The following ADAMTS3 variants were observed in gnomAD, a reference collection of about 807,000 sequenced individuals.
The protein encoded by ADAMTS3 is A disintegrin and metalloproteinase with thrombospondin motifs 3.
Under a neutral mutation model 129.0 loss-of-function variants are expected in ADAMTS3, and 73 were observed. That is an observed-to-expected ratio of 0.57 (90% CI 0.47 to 0.69). The LOEUF (loss-of-function observed/expected upper bound fraction) is 0.69, where lower values mean the gene tolerates loss of function less well. Ranked by LOEUF, ADAMTS3 falls within the 30% of genes least tolerant of loss-of-function variation. ADAMTS3 has a pLI of 0.00. For synonymous variants in ADAMTS3, 477 were observed against 510.8 expected, an observed-to-expected ratio of 0.93 and a Z score of 0.89; for missense variants, 1,457 against 1,514.5, an observed-to-expected ratio of 0.96 and a Z score of 0.63.
intron 4 of ADAMTS3, among the ~76,000 whole-genome samples, chr4:72,348,784 G>C (rs1018989206): frequency 6.6e-5 from 10 of 151,566 alleles, no homozygotes; most frequent in Non-Finnish European, 1.0e-4. Flanking sequence ...ACAGGAGAGA[G>C]GTATCTAGTT....
At chr4:72,485,843 G>A (rs1284764926) in intron 3 of ADAMTS3, among the ~76,000 whole-genome samples, 1 of 152,180 alleles carries the variant, frequency 6.6e-6, no homozygotes, top group African/African-American at 2.4e-5. Flanking sequence ...TCATAAATGA[G>A]ATTAGTGCCC....
At chr4:72,525,089 G>A (rs1450953693) in intron 3 of ADAMTS3, among the ~76,000 whole-genome samples, 1 of 152,166 alleles carries the variant, frequency 6.6e-6, no homozygotes, top group East Asian at 1.9e-4. Flanking sequence ...AACAGCCAAG[G>A]ATGCTGTAGT....
At chr4:72,340,160 C>A (rs970273238) in intron 4 of ADAMTS3, among the ~76,000 whole-genome samples, 1 of 152,044 alleles carries the variant, frequency 6.6e-6, no homozygotes, top group Non-Finnish European at 1.5e-5. Flanking sequence ...TTTCCAGTAA[C>A]CTTAATTTAA....
intron 4 of ADAMTS3, among the ~76,000 whole-genome samples, chr4:72,407,672 A>G (rs1404356254): frequency 6.6e-6 from 1 of 152,180 alleles, no homozygotes; most frequent in African/African-American, 2.4e-5. Context: ...AATGGCCACA[A>G]AGACTTAAGA....
chr4:72,311,720 C>T (rs1719240392), intron 13 of ADAMTS3, among the ~76,000 whole-genome samples: 1 of 152,248 alleles, frequency 6.6e-6, no homozygotes, highest in South Asian at 2.1e-4. Context: ...TGCATGTAAT[C>T]ATATAACTAT....
Position 72,319,779 on chromosome 4 carries a change from C to A in ADAMTS3, c.1208+79G>T, listed in dbSNP as rs1008572081. ...GAATTGTATGCTGGCATGCATTCTG[C>A]CCAAAGAGGAAACAATACTGGGAGA... On this transcript the variant is annotated intron_variant, in intron 8 of 21. Coordinates refer to ENST00000286657, the MANE Select transcript of ADAMTS3 (RefSeq NM_014243.3). 16 of 1,201,426 alleles carry A rather than the reference C, an allele frequency of 1.3e-5. No individual in the cohort carries two copies. The African/African-American group carries it at 1.5e-4, about 11-fold the overall frequency. The allele number at this position is 1,201,426 out of a possible 1,614,324, so 74.4% of individuals were successfully genotyped here. A position where few individuals can be genotyped will look rare whatever the true frequency, so the allele number is the denominator to read the frequency against.
intron 21 of ADAMTS3, among the ~76,000 whole-genome samples, chr4:72,285,512 C>T (rs1369127032): frequency 6.6e-6 from 1 of 151,966 alleles, no homozygotes; most frequent in African/African-American, 2.4e-5. Context: ...CCCTCATCGC[C>T]CCTGTTAGGA....
chr4:72,365,873 T>A (rs568841283), intron 4 of ADAMTS3, among the ~76,000 whole-genome samples: 1 of 152,240 alleles, frequency 6.6e-6, no homozygotes, highest in South Asian at 2.1e-4. Context: ...AAATTACAGA[T>A]CTTTTGGTAA....
At chr4:72,455,961 A>ATATATATTTTACGTATAGTATATATACAG (rs1718564052) in intron 3 of ADAMTS3, among the ~76,000 whole-genome samples, 1 of 92,550 alleles carries the variant, frequency 1.1e-5, no homozygotes, top group Non-Finnish European at 1.9e-5. Flanking sequence ...TATATATACT[A>ATATATATTTTACGTATAGTATATATACAG]TATATATTTT....
At position 72,455,086 on chromosome 4, in the gene ADAMTS3, C is replaced by T. The variant is rs1224398827; in HGVS notation, c.505-40115G>A. 2.0e-5 allele frequency among the ~76,000 whole-genome samples: 3 copies of T among 151,494 alleles called. No individual in the cohort carries two copies. The Admixed American group carries it at 2.0e-4, about 10-fold the overall frequency. On this transcript the variant is annotated intron_variant, in intron 3 of 21. Coordinates refer to ENST00000286657, the MANE Select transcript of ADAMTS3 (RefSeq NM_014243.3). Reference sequence around the variant, plus strand: ...CTATATGCACATGTTTTATGCATCTCAATTATCAATAATAAAAATCAAAAT... The same window carrying T: ...CTATATGCACATGTTTTATGCATCTTAATTATCAATAATAAAAATCAAAAT...
At chr4:72,474,317 A>G (rs182190910) in intron 3 of ADAMTS3, among the ~76,000 whole-genome samples, 3 of 152,312 alleles carry the variant, frequency 2.0e-5, no homozygotes, top group Admixed American at 2.0e-4. Flanking sequence ...AATTACAAAC[A>G]TACTTGAAAT....
chr4:72,498,122 T>C (rs1203479347), intron 3 of ADAMTS3, among the ~76,000 whole-genome samples: 1 of 152,080 alleles, frequency 6.6e-6, no homozygotes, highest in Non-Finnish European at 1.5e-5. Flanking sequence ...CCGTATAACA[T>C]ATTAAGTAAA....
At chr4:72,510,044 C>T (rs1336659752) in intron 3 of ADAMTS3, among the ~76,000 whole-genome samples, 2 of 148,806 alleles carry the variant, frequency 1.3e-5, no homozygotes, top group East Asian at 4.0e-4. Context: ...GCTGGAAAAG[C>T]ATTTGATAAA....
chr4:72,426,912 A>G (rs1722588312), intron 3 of ADAMTS3, among the ~76,000 whole-genome samples: 3 of 152,066 alleles, frequency 2.0e-5, no homozygotes, highest in Admixed American at 2.0e-4. Context: ...AGAAAAAATA[A>G]AAAACTGAAT....
In ADAMTS3 at chr4:72,315,791, C is replaced by T. The variant is rs899952490; in HGVS notation, c.1599+67G>A. On this transcript the variant is annotated intron_variant, in intron 11 of 21. Coordinates refer to ENST00000286657, the MANE Select transcript of ADAMTS3 (RefSeq NM_014243.3). ...CAGTGCAGCTGTGTTTACCATTTTC[C>T]AGACCTTTAAAGATGATAATTATGC... 29 of 1,064,994 alleles carry T rather than the reference C, an allele frequency of 2.7e-5. No individual in the cohort carries two copies. In the African/African-American group the frequency reaches 3.4e-4, roughly 12 times the overall value. 66.0% of individuals were successfully genotyped at this position (1,064,994 alleles called of 1,614,324 possible). A position where few individuals can be genotyped will look rare whatever the true frequency, so the allele number is the denominator to read the frequency against.
At chr4:72,459,268 T>C (rs775123377) in intron 3 of ADAMTS3, among the ~76,000 whole-genome samples, 11 of 151,524 alleles carry the variant, frequency 7.3e-5, no homozygotes, top group Non-Finnish European at 1.2e-4. Flanking sequence ...GTAGAGATAT[T>C]GGAAGATGGC....
At chr4:72,518,454 T>A (rs1205860364) in intron 3 of ADAMTS3, among the ~76,000 whole-genome samples, 15 of 152,042 alleles carry the variant, frequency 9.9e-5, no homozygotes, top group African/African-American at 3.6e-4. Flanking sequence ...GTCTCCCATT[T>A]TTATTGTGTG....
chr4:72,421,080 C>A (rs574859722), intron 3 of ADAMTS3, among the ~76,000 whole-genome samples: 1 of 152,334 alleles, frequency 6.6e-6, no homozygotes, highest in Non-Finnish European at 1.5e-5. Flanking sequence ...GTCCATATAA[C>A]GTTAGGAAAC....
Position 72,319,356 on chromosome 4 carries a change from C to T in ADAMTS3, c.1328G>A (p.Gly443Asp). Residue 443 changes from glycine (G) to aspartate (D), a missense_variant, in exon 9 of 22, where the codon GGT becomes GAT. Gly to Asp is a moderately conservative substitution (Grantham distance 94, BLOSUM62 -1). Transcript: ENST00000286657. ...CTGGATATATCTTTTCAGTTCTTGA[C>T]CACTGCATCGGGACCAGTGGTAACG... ...FHRYHWSRCS[G>D]QELKRYIHSY... is the part of the protein sequence containing the mutation. The T allele has an allele frequency of 6.2e-7, 1 of 1,613,884 alleles. No homozygotes were observed. Among genetic ancestry groups the T allele is most frequent in the Non-Finnish European group, 8.5e-7 (1 of 1,179,926 alleles).
Sources: gnomAD v4.1 joint callset for allele counts (sites outside exome capture counted in the v4.1 genomes callset) on GRCh38, gnomAD v4.1.1 for gene constraint, MANE v1.5 for transcripts, NCBI Gene and HGNC (gene_info 2026-07-23, HGNC 2026-07-21) for gene names.